PXDN: variants seen among roughly 807,000 people sequenced by gnomAD.
The protein encoded by PXDN is peroxidasin, also known as peroxidasin homolog.
PXDN carries 77 observed loss-of-function variants against 140.3 expected under a neutral mutation model. The ratio of observed to expected loss-of-function variants is 0.55; its 90% CI spans 0.46 to 0.66. The LOEUF is 0.66. Among genes scored for constraint, PXDN ranks in the 30% least tolerant of loss-of-function variants. The probability of loss-of-function intolerance (pLI) is 0.00; values close to 1 mark genes in which losing one functional copy is unlikely to be tolerated. For missense variants in PXDN, 1,838 were observed against 2,039.5 expected (o/e 0.90, Z 1.90); for synonymous variants, 911 against 857.4 (o/e 1.06, Z -1.09).
Position 1,648,590 on chromosome 2 carries a change from C to G in PXDN, c.3190G>C (p.Ala1064Pro). The G allele has an allele frequency of 6.2e-7, 1 of 1,609,378 alleles. No homozygotes were observed. Among genetic ancestry groups the G allele is most frequent in the Non-Finnish European group, 8.5e-7 (1 of 1,178,550 alleles). Residue 1064 changes from alanine (A) to proline (P), a missense_variant, in exon 17 of 23, where the codon GCC becomes CCC. By Grantham distance (27) the Ala-to-Pro change is conservative. Coordinates refer to ENST00000252804, the MANE Select transcript of PXDN (RefSeq NM_012293.3). The surrounding 1 kb of genome is among the most constrained non-coding windows in gnomAD (Gnocchi z 8.9). ...AACCTGAAGGCCGCGGTGGCGAAGG[C>G]GTTGAAGATGCCAGCATTGATGCCG... ...DPGINAGIFNAFATAAFRFGH... is the reference protein window; with the variant it reads ...DPGINAGIFNPFATAAFRFGH...
At chr2:1,657,263 ACAGCCCCCTCCTGACTGAAAC>A (rs1683165516) in intron 14 of PXDN, among the ~76,000 whole-genome samples, 1 of 122,948 alleles carries the variant, frequency 8.1e-6, no homozygotes, top group Non-Finnish European at 1.7e-5. Flanking sequence ...CAGACTGGGA[ACAGCCCCCTCCTGACTGAAAC>A]CAGCCCCCTC....
chr2:1,643,321 A>G, intron 19 of PXDN, 47 bp downstream of exon 19: 2 of 1,587,630 alleles, frequency 1.3e-6, no homozygotes, highest in Non-Finnish European at 1.7e-6. Context: ...AGCAGTCACC[A>G]AAACCAGGGA....
Position 1,649,497 on chromosome 2 carries a change from G to C in PXDN, c.2283C>G (p.Thr761=). ...LQHPMWGASL[T]AFERLLKSVY... is the part of the protein sequence containing the mutation. ...CGGATTTCAGCAGGCGCTCGAAGGC[G>C]GTCAGCGAGGCGCCCCACATGGGGT... The change falls in exon 17 of 23, where the codon ACC becomes ACG. Residue 761 remains threonine, a synonymous_variant. Transcript: ENST00000252804. The surrounding 1 kb of genome is among the most constrained non-coding windows in gnomAD (Gnocchi z 7.1). 1 of 1,614,014 alleles carries C rather than the reference G, an allele frequency of 6.2e-7. No homozygotes were observed. The highest frequency in any genetic ancestry group is 8.5e-7 in the Non-Finnish European group (1 of 1,179,888).
Position 1,649,114 on chromosome 2 carries a change from A to G in PXDN, c.2666T>C (p.Met889Thr), listed in dbSNP as rs748931243. ...VRSSPVCGSG[M>T]TSLLMNSVYP... ...CACGGAGTTCATGAGCAGCGAAGTCATGCCGCTGCCGCACACAGGGCTGGA... is the reference window on the plus strand; with the variant it reads ...CACGGAGTTCATGAGCAGCGAAGTCGTGCCGCTGCCGCACACAGGGCTGGA... Residue 889 changes from methionine (M) to threonine (T), a missense_variant, in exon 17 of 23, where the codon ATG (methionine) becomes ACG (threonine). This residue lies in a region of PXDN where 850 missense variants were observed against 894.1 expected (regional missense o/e 0.95). Transcript: ENST00000252804. The surrounding 1 kb of genome is among the most constrained non-coding windows in gnomAD (Gnocchi z 7.1). The G allele has an allele frequency of 3.7e-6, 6 of 1,612,276 alleles. No individual in the cohort carries two copies. The highest frequency in any genetic ancestry group is 5.1e-6 in the Non-Finnish European group (6 of 1,179,698).
intron 11 of PXDN, chr2:1,664,141 A>G (rs1177743791): frequency 5.1e-6 from 1 of 196,830 alleles, no homozygotes; most frequent in African/African-American, 2.3e-5. Flanking sequence ...CCTTTCCGGG[A>G]TAAACCTCTC....
intron 1 of PXDN, among the ~76,000 whole-genome samples, chr2:1,713,772 G>A (rs2125472696): frequency 6.6e-6 from 1 of 152,390 alleles, no homozygotes; most frequent in South Asian, 2.1e-4. Flanking sequence ...GAGGTAAGAG[G>A]TGGGCAGCCA....
At chr2:1,718,019 C>G (rs546971480) in intron 1 of PXDN, among the ~76,000 whole-genome samples, 5 of 151,366 alleles carry the variant, frequency 3.3e-5, no homozygotes, top group Non-Finnish European at 5.9e-5. Flanking sequence ...ACCCACTAAC[C>G]GACCACCCAA....
At chr2:1,698,702 A>G (rs1282158015) in intron 1 of PXDN, among the ~76,000 whole-genome samples, 1 of 152,178 alleles carries the variant, frequency 6.6e-6, no homozygotes, top group African/African-American at 2.4e-5. Flanking sequence ...CCTCCCTGGT[A>G]GAATTCACCA....
intron 1 of PXDN, among the ~76,000 whole-genome samples, chr2:1,741,904 TA>T (rs1685553056): frequency 6.6e-6 from 1 of 152,156 alleles, no homozygotes; most frequent in African/African-American, 2.4e-5. Context: ...AGCAACAGCC[TA>T]CCAGACCATG....
chr2:1,684,106 G>A lies in PXDN; in HGVS notation c.462C>T (p.Phe154=). The A allele has an allele frequency of 6.3e-7, 1 of 1,587,582 alleles. No homozygotes were observed. Among genetic ancestry groups the A allele is most frequent in the Non-Finnish European group, 8.6e-7 (1 of 1,166,366 alleles). ...GCCTCTCGAGCTTCGGGAGATGCTG[G>A]AACGAATCTGGGTCCAAAGTTTCTA... The part of the protein sequence containing the change: ...NQIETLDPDS[F]QHLPKLERLF... Residue 154 remains phenylalanine, a synonymous_variant, in exon 5 of 23, where the codon TTC becomes TTT. Coordinates refer to ENST00000252804, the MANE Select transcript of PXDN (RefSeq NM_012293.3).
At chr2:1,689,665 T>A (rs1360228156) in intron 3 of PXDN, among the ~76,000 whole-genome samples, 1 of 151,858 alleles carries the variant, frequency 6.6e-6, no homozygotes, top group Non-Finnish European at 1.5e-5. Flanking sequence ...ACGCCTGTAA[T>A]CCCAGCTATT....
intron 1 of PXDN, among the ~76,000 whole-genome samples, chr2:1,727,973 T>C (rs1685227929): frequency 6.6e-6 from 1 of 152,216 alleles, no homozygotes; most frequent in South Asian, 2.1e-4. Flanking sequence ...TCTGGCTCTA[T>C]TGCCCAGGCT....
At position 1,639,391 on chromosome 2, in the gene PXDN, A is replaced by ACTC. The variant is rs767964825; in HGVS notation, c.3983_3984insGAG (p.Phe1328delinsLeuSer). 3 of 1,614,002 alleles carry ACTC rather than the reference A, an allele frequency of 1.9e-6. No homozygotes were observed. The highest frequency in any genetic ancestry group is 2.5e-6 in the Non-Finnish European group (3 of 1,179,872). ...ACCGTCTGCCTCGGAAATGATAGGA[A>ACTC]AAGGCATTGAACTGCCCCCTGGTCC... On this transcript the variant is annotated protein_altering_variant, in exon 20 of 23. Coordinates refer to ENST00000252804, the MANE Select transcript of PXDN (RefSeq NM_012293.3). This position sits in a 1 kb window ranked among gnomAD's most constrained non-coding sequence, Gnocchi z 5.0.
Position 1,687,511 on chromosome 2 carries a change from C to T in PXDN, c.416+121G>A, listed in dbSNP as rs575700928. 1.4e-4 allele frequency: 94 copies of T among 667,740 alleles called. No individual in the cohort carries two copies. Among genetic ancestry groups the T allele is most frequent in the Admixed American group, 4.3e-4 (13 of 30,536 alleles). The allele number at this position is 667,740 out of a possible 1,614,324, so 41.4% of individuals were successfully genotyped here. A position where few individuals can be genotyped will look rare whatever the true frequency, so the allele number is the denominator to read the frequency against. ...TTTCCGTCATCATGCACGTACTCCC[C>T]GCACCTCAGGTAGCATAGTCATGCA... is the stretch of plus-strand genomic sequence containing the variant. On this transcript the variant is annotated intron_variant, in intron 4 of 22. Coordinates refer to ENST00000252804, the MANE Select transcript of PXDN (RefSeq NM_012293.3). This position sits in a 1 kb window ranked among gnomAD's most constrained non-coding sequence, Gnocchi z 4.0.
At chr2:1,726,903 T>C (rs907122670) in intron 1 of PXDN, among the ~76,000 whole-genome samples, 2 of 152,220 alleles carry the variant, frequency 1.3e-5, no homozygotes, top group African/African-American at 4.8e-5. Context: ...TATGACACTT[T>C]AGAAATCGAG....
Position 1,710,919 on chromosome 2 carries a change from A to ACTCTATGAACACCCG in PXDN, c.201-17786_201-17785insCGGGTGTTCATAGAG, listed in dbSNP as rs1428533465. Among the ~76,000 whole-genome samples the ACTCTATGAACACCCG allele has an allele frequency of 2.8e-4, 17 of 61,206 alleles. 2 individuals carry two copies. Among genetic ancestry groups the ACTCTATGAACACCCG allele is most frequent in the East Asian group, 2.2e-3 (1 of 446 alleles). 40.2% of individuals were successfully genotyped at this position (61,206 alleles called of 152,430 possible). The stretch of plus-strand genomic sequence containing the variant: ...CAGCACCCACTCTCCACCAGCACCC[A>ACTCTATGAACACCCG]CTCCACCAGCACCCACTCTATGAAC... On this transcript the variant is annotated intron_variant, in intron 1 of 22. Coordinates refer to ENST00000252804, the MANE Select transcript of PXDN (RefSeq NM_012293.3).
At chr2:1,680,671 G>A (rs188127728) in intron 6 of PXDN, among the ~76,000 whole-genome samples, 4 of 151,540 alleles carry the variant, frequency 2.6e-5, no homozygotes, top group South Asian at 4.1e-4. Context: ...CTCAAGGCGA[G>A]GGAGTGTGCC....
At chr2:1,662,992 G>A (rs1157071207) in intron 12 of PXDN, among the ~76,000 whole-genome samples, 2 of 152,200 alleles carry the variant, frequency 1.3e-5, no homozygotes, top group Non-Finnish European at 1.5e-5. Context: ...AGCACAGGGC[G>A]CCTGCAACAC....
chr2:1,735,514 C>G (rs926550806), intron 1 of PXDN, among the ~76,000 whole-genome samples: 1 of 152,206 alleles, frequency 6.6e-6, no homozygotes. Flanking sequence ...TCCATCAGAG[C>G]TCTTGGGTGA....
Sources: allele counts gnomAD v4.1 joint callset (sites outside exome capture counted in the v4.1 genomes callset), GRCh38; gene constraint gnomAD v4.1.1; regional missense constraint gnomAD v4.1.1; non-coding constraint Gnocchi (gnomAD v3.1); transcripts MANE v1.5; gene names NCBI Gene and HGNC (gene_info 2026-07-23, HGNC 2026-07-21).